Variants in ST3GAL5 observed in about 807,000 individuals in gnomAD.
The protein encoded by ST3GAL5 is ST3 beta-galactoside alpha-2,3-sialyltransferase 5.
In ST3GAL5, 25 loss-of-function variants were observed where a neutral mutation model predicts 46.1. That is an observed-to-expected ratio of 0.54 (90% CI 0.40 to 0.76). The LOEUF is 0.76. Among genes scored for constraint, ST3GAL5 ranks in the 30% least tolerant of loss-of-function variants. The pLI is 0.00. For missense variants in ST3GAL5, 431 were observed against 521.2 expected, an observed-to-expected ratio of 0.83 and a Z score of 1.69; for synonymous variants, 182 against 192.7, an observed-to-expected ratio of 0.94 and a Z score of 0.46.
In ST3GAL5 at chr2:85,863,392, C is replaced by T. The variant is rs755169375; in HGVS notation, c.176G>A (p.Arg59Lys). Residue 59 changes from arginine to lysine, a missense_variant, in exon 2 of 7, where the codon AGG becomes AAG. Physicochemically the swap from Arg to Lys is conservative, Grantham distance 26. Coordinates refer to ENST00000638572, the MANE Select transcript of ST3GAL5 (RefSeq NM_003896.4). ...GATGTCTTTTAATAACAAGCTGGGC[C>T]TTCTCATCTTGCTTTGAGCTCGGGT... ...WYTRAQSKMR[R>K]PSLLLKDILK... is the part of the protein sequence containing the mutation. 43 of 1,614,094 alleles carry T rather than the reference C, an allele frequency of 2.7e-5. No homozygotes were observed. Among genetic ancestry groups the T allele is most frequent in the Non-Finnish European group, 3.5e-5 (41 of 1,180,042 alleles).
chr2:85,844,789 G>A (rs1682579707), intron 5 of ST3GAL5: 1 of 578,538 alleles, frequency 1.7e-6, no homozygotes, highest in Non-Finnish European at 3.1e-6. Flanking sequence ...ATGAATTGCA[G>A]AACCAGCTTG....
chr2:85,885,564 C>T (rs1687645561), intron 1 of ST3GAL5, among the ~76,000 whole-genome samples: 1 of 152,132 alleles, frequency 6.6e-6, no homozygotes, highest in South Asian at 2.1e-4. Context: ...CGCGGTGGCT[C>T]ACGCCTGTAA....
At chr2:85,880,496 G>A (rs1286919013) in intron 1 of ST3GAL5, among the ~76,000 whole-genome samples, 1 of 152,112 alleles carries the variant, frequency 6.6e-6, no homozygotes, top group Non-Finnish European at 1.5e-5. Flanking sequence ...TGGGGAGATA[G>A]CAACAAGAAA....
chr2:85,877,327 T>C (rs531139065), intron 1 of ST3GAL5, among the ~76,000 whole-genome samples: 1 of 152,376 alleles, frequency 6.6e-6, no homozygotes, highest in South Asian at 2.1e-4. Context: ...CCAGGATCAT[T>C]TGGCATTCAC....
intron 1 of ST3GAL5, 144 bp from the exon 2 acceptor site, chr2:85,863,629 A>G (rs1684962658): frequency 2.2e-6 from 2 of 912,586 alleles, no homozygotes; most frequent in Admixed American, 4.0e-5. Flanking sequence ...CTGTTGTTAC[A>G]TGCAACAAAG....
At chr2:85,874,458 C>T (rs1292560422) in intron 1 of ST3GAL5, among the ~76,000 whole-genome samples, 1 of 152,148 alleles carries the variant, frequency 6.6e-6, no homozygotes. Flanking sequence ...AAGGGGGCCT[C>T]GTGCTCGACT....
At position 85,870,796 on chromosome 2, in the gene ST3GAL5, C is replaced by T. The variant is rs114698098; in HGVS notation, c.83-7311G>A. Among the ~76,000 whole-genome samples the T allele has an allele frequency of 2.1e-3, 315 of 151,716 alleles. 3 individuals carry two copies. Among genetic ancestry groups the T allele is most frequent in the African/African-American group, 7.3e-3 (301 of 41,336 alleles). On this transcript the variant is annotated intron_variant, in intron 1 of 6. Transcript: ENST00000638572. The stretch of plus-strand genomic sequence containing the variant: ...GGTTCAAGTGATTCTCTTGCCTAAA[C>T]CTCCCACGTAGCTGGGATTACAGGT...
At chr2:85,876,731 G>A (rs933452160) in intron 1 of ST3GAL5, among the ~76,000 whole-genome samples, 1 of 151,796 alleles carries the variant, frequency 6.6e-6, no homozygotes, top group African/African-American at 2.4e-5. Flanking sequence ...CCAAAGTGCT[G>A]GGAGGTGTGA....
chr2:85,870,804 G>A (rs190305506), intron 1 of ST3GAL5, among the ~76,000 whole-genome samples: 4 of 151,692 alleles, frequency 2.6e-5, no homozygotes, highest in South Asian at 2.1e-4. Context: ...AACCTCCCAC[G>A]TAGCTGGGAT....
At chr2:85,858,942 T>G (rs1684440236) in intron 3 of ST3GAL5, among the ~76,000 whole-genome samples, 1 of 152,176 alleles carries the variant, frequency 6.6e-6, no homozygotes, top group Non-Finnish European at 1.5e-5. Context: ...TAGGGGAGCC[T>G]TAACAAGTAA....
At chr2:85,840,942 CAAAAAAAAAA>C (rs1272089535) in intron 6 of ST3GAL5, among the ~76,000 whole-genome samples, 1 of 24,186 alleles carries the variant, frequency 4.1e-5, no homozygotes, top group South Asian at 2.6e-3. Flanking sequence ...GACTCTGTCT[CAAAAAAAAAA>C]AAAAAAAAAA....
At chr2:85,846,021 C>A in intron 5 of ST3GAL5, 2 of 271,002 alleles carry the variant, frequency 7.4e-6, no homozygotes, top group Non-Finnish European at 1.4e-5. Flanking sequence ...CATGGTGAAA[C>A]CCCATCTCTA....
chr2:85,857,046 C>T (rs187374526), intron 3 of ST3GAL5, among the ~76,000 whole-genome samples: 530 of 122,726 alleles, frequency 4.3e-3, no homozygotes, highest in African/African-American at 0.016. Flanking sequence ...CTGGGAAACA[C>T]GGTAAGACCC....
chr2:85,860,303 A>G (rs1431934920), intron 3 of ST3GAL5, among the ~76,000 whole-genome samples: 1 of 152,204 alleles, frequency 6.6e-6, no homozygotes, highest in Non-Finnish European at 1.5e-5. Context: ...TGATACTGGG[A>G]TATCTCCCAG....
intron 2 of ST3GAL5, 23 bp from the exon 3 acceptor site, chr2:85,861,315 T>G: frequency 7.0e-7 from 1 of 1,434,674 alleles, no homozygotes; most frequent in Non-Finnish European, 9.8e-7. Flanking sequence ...CAATTAGGTA[T>G]TATGATGTAG....
intron 6 of ST3GAL5, among the ~76,000 whole-genome samples, chr2:85,842,486 T>A (rs1008850910): frequency 3.3e-5 from 5 of 152,230 alleles, no homozygotes; most frequent in Admixed American, 3.3e-4. Flanking sequence ...GGCTTCTTCA[T>A]CTGCTGGAAG....
At chr2:85,868,918 C>T (rs1053547660) in intron 1 of ST3GAL5, among the ~76,000 whole-genome samples, 4 of 152,120 alleles carry the variant, frequency 2.6e-5, no homozygotes, top group African/African-American at 4.8e-5. Context: ...CGCACCCAGC[C>T]GGCAATTATA....
chr2:85,876,581 A>G (rs12714153), intron 1 of ST3GAL5, among the ~76,000 whole-genome samples: 111,673 of 150,788 alleles, frequency 0.74, 41,572 homozygotes, highest in East Asian at 0.99. Flanking sequence ...TCCTGCCTCA[A>G]CCTCCAGAGT....
chr2:85,874,352 T>C (rs1306355610), intron 1 of ST3GAL5, among the ~76,000 whole-genome samples: 2 of 152,164 alleles, frequency 1.3e-5, no homozygotes, highest in Non-Finnish European at 2.9e-5. Context: ...CTCCAAGACT[T>C]TACTGAAGAG....
Sources: gnomAD v4.1 joint callset for allele counts (sites outside exome capture counted in the v4.1 genomes callset) on GRCh38, gnomAD v4.1.1 for gene constraint, MANE v1.5 for transcripts, NCBI Gene and HGNC (gene_info 2026-07-23, HGNC 2026-07-21) for gene names.